Variants in NAALADL2 observed in about 807,000 individuals in gnomAD.
NAALADL2 encodes the protein N-acetylated alpha-linked acidic dipeptidase like 2.
NAALADL2 carries 76 observed loss-of-function variants against 87.2 expected under a neutral mutation model. The observed-to-expected ratio is 0.87, with a 90% CI of 0.72 to 1.05. The LOEUF is 1.05. Ranked by LOEUF, NAALADL2 falls within the 50% of genes least tolerant of loss-of-function variation. NAALADL2 has a pLI of 0.00. For synonymous variants in NAALADL2, 354 were observed against 331.0 expected, an observed-to-expected ratio of 1.07 and a Z score of -0.75; for missense variants, 1,089 against 945.8, an observed-to-expected ratio of 1.15 and a Z score of -1.99.
intron 10 of NAALADL2, among the ~76,000 whole-genome samples, chr3:175,624,353 G>A (rs1183633837): frequency 6.6e-6 from 1 of 151,888 alleles, no homozygotes; most frequent in Non-Finnish European, 1.5e-5. Flanking sequence ...TAGAATAACA[G>A]CACAGATTTG....
intron 1 of NAALADL2, among the ~76,000 whole-genome samples, chr3:174,454,950 G>GTT (rs201906958): frequency 1.6e-4 from 23 of 141,236 alleles, no homozygotes; most frequent in African/African-American, 5.4e-4. Flanking sequence ...TCCAGGAGTT[G>GTT]TTTTTTTTTT....
chr3:175,105,865 A>C (rs543903194), intron 2 of NAALADL2, among the ~76,000 whole-genome samples: 1 of 151,948 alleles, frequency 6.6e-6, no homozygotes, highest in Non-Finnish European at 1.5e-5. Context: ...TGAGAGCATT[A>C]TTTTTCTATA....
chr3:175,494,816 A>C (rs1281451131), intron 9 of NAALADL2, among the ~76,000 whole-genome samples: 1 of 151,998 alleles, frequency 6.6e-6, no homozygotes, highest in East Asian at 1.9e-4. Flanking sequence ...GAAGATTTTA[A>C]GTACAATATC....
intron 10 of NAALADL2, among the ~76,000 whole-genome samples, chr3:175,584,935 C>T (rs371879273): frequency 1.3e-5 from 2 of 152,114 alleles, no homozygotes; most frequent in South Asian, 2.1e-4. Context: ...ACACTATACA[C>T]ATAGGCTACA....
intron 2 of NAALADL2, among the ~76,000 whole-genome samples, chr3:174,558,923 A>G (rs1467950491): frequency 6.6e-6 from 1 of 152,156 alleles, no homozygotes; most frequent in Non-Finnish European, 1.5e-5. Context: ...TTCTGTATAC[A>G]TGAAAATATG....
At chr3:174,743,577 A>G (rs1028834807) in intron 3 of NAALADL2, among the ~76,000 whole-genome samples, 3 of 151,884 alleles carry the variant, frequency 2.0e-5, no homozygotes, top group East Asian at 1.9e-4. Flanking sequence ...TTTCTTTTCT[A>G]GATTCCATTA....
rs1733805648 is a variant in NAALADL2 at position 174,741,921 on chromosome 3, T to TA, written c.-9+4177dup. 2.0e-5 allele frequency among the ~76,000 whole-genome samples: 3 copies of TA among 151,882 alleles called. No homozygotes were observed. In the South Asian group the frequency reaches 6.2e-4, roughly 31 times the overall value. ...GCAAATATGACATATGGTCTCTTGT[T>TA]AACTTACATGGAATGCATTTTATAC... On this transcript the variant is annotated intron_variant, in intron 3 of 3. Transcript: ENST00000434257.
At chr3:175,358,515 A>G (rs913996497) in intron 5 of NAALADL2, among the ~76,000 whole-genome samples, 1 of 152,054 alleles carries the variant, frequency 6.6e-6, no homozygotes, top group Admixed American at 6.6e-5. Context: ...GCTAAGGAAG[A>G]CAGTCTCAAA....
chr3:175,403,470 A>G (rs114183012), intron 5 of NAALADL2, among the ~76,000 whole-genome samples: 3,528 of 152,238 alleles, frequency 0.023, 60 homozygotes, highest in Middle Eastern at 0.054. Flanking sequence ...ATAAAGCCAA[A>G]TAACAGCATT....
rs1761103462 is a variant in NAALADL2, at chr3:175,329,125, T to C, written c.1090+4800T>C. 2.0e-5 allele frequency among the ~76,000 whole-genome samples: 3 copies of C among 152,338 alleles called. No individual in the cohort carries two copies. The South Asian group carries it at 6.2e-4, about 32-fold the overall frequency. ...AATCTATTTACTACCAGTTAATTGTTTGTCTTGACTTAGACTTGAATTTCC... is the reference window on the plus strand; with the variant it reads ...AATCTATTTACTACCAGTTAATTGTCTGTCTTGACTTAGACTTGAATTTCC... On this transcript the variant is annotated intron_variant, in intron 5 of 13. Coordinates refer to ENST00000454872, the MANE Select transcript of NAALADL2 (RefSeq NM_207015.3).
At chr3:174,689,002 CAAA>C (rs879774715) in intron 2 of NAALADL2, among the ~76,000 whole-genome samples, 1 of 136,876 alleles carries the variant, frequency 7.3e-6, no homozygotes, top group East Asian at 2.1e-4. Flanking sequence ...ACTACATCAG[CAAA>C]AAAAAAAAAT....
intron 2 of NAALADL2, among the ~76,000 whole-genome samples, chr3:174,587,339 T>C (rs1427425122): frequency 1.3e-5 from 2 of 152,152 alleles, no homozygotes; most frequent in Non-Finnish European, 1.5e-5. Context: ...AGTTTTCCAG[T>C]CTGTGTCTTT....
At chr3:175,237,752 T>C (rs1349173002) in intron 3 of NAALADL2, among the ~76,000 whole-genome samples, 4 of 152,186 alleles carry the variant, frequency 2.6e-5, no homozygotes, top group African/African-American at 9.7e-5. Context: ...CACGTGTGTA[T>C]GTATCTATAA....
chr3:174,911,656 T>C (rs1733726844), intron 1 of NAALADL2, among the ~76,000 whole-genome samples: 1 of 152,112 alleles, frequency 6.6e-6, no homozygotes, highest in Admixed American at 6.5e-5. Context: ...TTTTTATTGC[T>C]AAGCTACTTC....
In NAALADL2 at chr3:174,454,404, A is replaced by C. The variant is rs112739190; in HGVS notation, c.-184+13372A>C. ...TCAAATGGACCTGGTAGACATCTAC[A>C]GAACTCTCCACGCTGGAAAAACAGA... On this transcript the variant is annotated intron_variant, in intron 1 of 3. Coordinates refer to the NAALADL2 transcript ENST00000434257. Among the ~76,000 whole-genome samples, 1,064 of 152,284 alleles carry C rather than the reference A, an allele frequency of 7.0e-3. 8 individuals carry two copies. The highest frequency in any genetic ancestry group is 0.024 in the African/African-American group (1,016 of 41,562).
Position 175,370,767 on chromosome 3 carries a change from C to T in NAALADL2, c.1090+46442C>T, listed in dbSNP as rs536602707. Among the ~76,000 whole-genome samples the T allele has an allele frequency of 3.3e-5, 5 of 152,294 alleles. No homozygotes were observed. In the South Asian group the frequency reaches 1.0e-3, roughly 32 times the overall value. On this transcript the variant is annotated intron_variant, in intron 5 of 13. Transcript: ENST00000454872. The stretch of plus-strand genomic sequence containing the variant: ...TCTACCTTATTACAAAAGACATTCA[C>T]TTTAAAAGTATAAACACCGTAGTAA...
chr3:174,894,052 A>T (rs1007901140), intron 1 of NAALADL2, among the ~76,000 whole-genome samples: 2 of 152,202 alleles, frequency 1.3e-5, no homozygotes, highest in Non-Finnish European at 2.9e-5. Context: ...ACCAGGAGTC[A>T]CTGTACTTAG....
intron 1 of NAALADL2, among the ~76,000 whole-genome samples, chr3:174,441,969 G>A (rs750481045): frequency 2.3e-4 from 35 of 151,962 alleles, no homozygotes; most frequent in Non-Finnish European, 4.7e-4. Flanking sequence ...AGAAAAGATA[G>A]ACTTTTTTTT....
At chr3:174,451,642 T>A (rs1715487823) in intron 1 of NAALADL2, among the ~76,000 whole-genome samples, 1 of 152,208 alleles carries the variant, frequency 6.6e-6, no homozygotes, top group Admixed American at 6.5e-5. Flanking sequence ...TCTATATCTC[T>A]GATTATTTAA....
Sources: gnomAD v4.1 joint callset for allele counts (sites outside exome capture counted in the v4.1 genomes callset) on GRCh38, gnomAD v4.1.1 for gene constraint, MANE v1.5 for transcripts, NCBI Gene and HGNC (gene_info 2026-07-23, HGNC 2026-07-21) for gene names.